The following PCSK6 variants were observed in gnomAD, a reference collection of about 807,000 sequenced individuals.
The protein encoded by PCSK6 is paired basic amino acid cleaving enzyme 4.
PCSK6 carries 85 observed loss-of-function variants against 123.3 expected under a neutral mutation model. The ratio of observed to expected loss-of-function variants is 0.69; its 90% CI spans 0.58 to 0.83. PCSK6 has a LOEUF of 0.83. Among genes scored for constraint, PCSK6 ranks in the 40% least tolerant of loss-of-function variants. The probability of loss-of-function intolerance (pLI) is 0.00; values close to 1 mark genes in which losing one functional copy is unlikely to be tolerated. For synonymous variants in PCSK6, 508 were observed against 516.0 expected (o/e 0.98, Z 0.21); for missense variants, 1,191 against 1,282.3 (o/e 0.93, Z 1.09).
intron 13 of PCSK6, among the ~76,000 whole-genome samples, chr15:101,333,394 T>G (rs1460876581): frequency 1.3e-5 from 2 of 152,222 alleles, no homozygotes; most frequent in Non-Finnish European, 2.9e-5. Context: ...CTCATGACTG[T>G]CTCCTGCGAC....
At chr15:101,460,987 G>GA (rs969017756) in intron 1 of PCSK6, among the ~76,000 whole-genome samples, 173 of 150,078 alleles carry the variant, frequency 1.2e-3, no homozygotes, top group African/African-American at 3.5e-3. Context: ...AAAGTTAAAA[G>GA]AAAAAAAAAT....
chr15:101,486,394 T>C (rs549237411), intron 1 of PCSK6, among the ~76,000 whole-genome samples: 1 of 152,380 alleles, frequency 6.6e-6, no homozygotes, highest in African/African-American at 2.4e-5. Flanking sequence ...TTCTCAGATG[T>C]GCTGCCATGC....
chr15:101,414,746 G>T (rs1326682138), intron 6 of PCSK6, among the ~76,000 whole-genome samples: 1 of 151,406 alleles, frequency 6.6e-6, no homozygotes, highest in Non-Finnish European at 1.5e-5. Context: ...GTAGACAGAT[G>T]GACGGACAGA....
chr15:101,476,575 A>C (rs796114849), intron 1 of PCSK6, among the ~76,000 whole-genome samples: 29 of 151,548 alleles, frequency 1.9e-4, no homozygotes, highest in African/African-American at 6.6e-4. Flanking sequence ...AAAAAAAAAA[A>C]ACAACAAAAA....
At chr15:101,463,796 G>C (rs2057392533) in intron 1 of PCSK6, among the ~76,000 whole-genome samples, 1 of 152,118 alleles carries the variant, frequency 6.6e-6, no homozygotes, top group South Asian at 2.1e-4. Context: ...AGAGGGTGTG[G>C]CAATAACAGT....
At chr15:101,377,636 T>C (rs28584459) in intron 11 of PCSK6, among the ~76,000 whole-genome samples, 3,431 of 152,348 alleles carry the variant, frequency 0.023, 150 homozygotes, top group African/African-American at 0.079. Flanking sequence ...TATGTCTTCA[T>C]AAATAGAGTT....
At chr15:101,427,294 T>G (rs2056291789) in intron 6 of PCSK6, among the ~76,000 whole-genome samples, 1 of 152,052 alleles carries the variant, frequency 6.6e-6, no homozygotes, top group Non-Finnish European at 1.5e-5. Flanking sequence ...CAGGGAGCAC[T>G]TCACAGAACA....
chr15:101,476,703 A>G (rs1246806985), intron 1 of PCSK6, among the ~76,000 whole-genome samples: 1 of 152,178 alleles, frequency 6.6e-6, no homozygotes. Flanking sequence ...GGATCGGATG[A>G]GGGGAGGAAG....
intron 9 of PCSK6, among the ~76,000 whole-genome samples, 183 bp downstream of exon 9, chr15:101,389,281 G>A (rs903262566): frequency 6.6e-6 from 1 of 152,226 alleles, no homozygotes; most frequent in Non-Finnish European, 1.5e-5. Context: ...CGGGCAGAGG[G>A]TTCCAGCCTG....
chr15:101,361,163 TC>T (rs34942719), intron 13 of PCSK6, among the ~76,000 whole-genome samples: 36,204 of 140,342 alleles, frequency 0.26, 4,821 homozygotes, highest in Admixed American at 0.36. Context: ...TCTTTCTCTC[TC>T]TTTTTTTTTT....
intron 6 of PCSK6, among the ~76,000 whole-genome samples, chr15:101,414,098 C>G: frequency 6.6e-6 from 1 of 152,090 alleles, no homozygotes; most frequent in East Asian, 1.9e-4. Context: ...GACAAAGAGA[C>G]GCCCCTTGTC....
chr15:101,324,969 C>T lies in PCSK6; in HGVS notation c.2258G>A (p.Cys753Tyr), dbSNP rs766650659. The T allele has an allele frequency of 6.2e-7, 1 of 1,613,294 alleles. No individual in the cohort carries two copies. The highest frequency in any genetic ancestry group is 8.5e-7 in the Non-Finnish European group (1 of 1,179,894). The change falls in exon 17 of 22, where the codon TGT becomes TAT. Residue 753 changes from cysteine to tyrosine, a missense_variant. Cys to Tyr is a radical substitution (Grantham distance 194). Around this residue, in one of 3 missense-constraint regions of PCSK6, gnomAD observed 630 missense variants for 631.4 expected, o/e 1.00. Coordinates refer to ENST00000611716, the MANE Select transcript of PCSK6 (RefSeq NM_002570.5). ...CGCAGCTCTGCTGGAGCAGGTCTCA[C>T]ACCCCTTGTGGCACCGGCGACAGCG... ...ARRCRRCHKG[C>Y]ETCSSRAATQ...
rs545873843 is a variant in PCSK6 at position 101,465,954 on chromosome 15, GAA to G, written c.298-22296_298-22295del. On this transcript the variant is annotated intron_variant, in intron 1 of 21. Coordinates refer to ENST00000611716, the MANE Select transcript of PCSK6 (RefSeq NM_002570.5). ...GTGCGGAGAACAAATGTAACAAACA[GAA>G]AAGTTACAAACACGGTAGATACTGA... Among the ~76,000 whole-genome samples the G allele has an allele frequency of 2.4e-3, 369 of 152,220 alleles. 2 individuals are homozygous for G. The highest frequency in any genetic ancestry group is 8.5e-3 in the African/African-American group (353 of 41,532).
At chr15:101,399,874 T>C (rs1003969819) in intron 6 of PCSK6, among the ~76,000 whole-genome samples, 5 of 152,214 alleles carry the variant, frequency 3.3e-5, no homozygotes, top group Non-Finnish European at 7.3e-5. Context: ...GTGTGTGCGA[T>C]GACCATGCCT....
intron 11 of PCSK6, among the ~76,000 whole-genome samples, chr15:101,371,611 C>A (rs529330069): frequency 4.6e-5 from 7 of 152,326 alleles, no homozygotes; most frequent in African/African-American, 1.7e-4. Context: ...CAAGGATTAA[C>A]CCATTTAATC....
At chr15:101,436,522 G>A (rs1348483556) in intron 2 of PCSK6, among the ~76,000 whole-genome samples, 1 of 152,232 alleles carries the variant, frequency 6.6e-6, no homozygotes, top group Non-Finnish European at 1.5e-5. Context: ...AGCCAGACCT[G>A]ACTGTCCACC....
At chr15:101,415,390 A>C (rs2055853349) in intron 6 of PCSK6, among the ~76,000 whole-genome samples, 1 of 152,228 alleles carries the variant, frequency 6.6e-6, no homozygotes, top group Non-Finnish European at 1.5e-5. Context: ...TTAAGGAATG[A>C]GGGCCCAGCA....
chr15:101,393,254 C>T lies in PCSK6; in HGVS notation c.1167G>A (p.Leu389=). The T allele has an allele frequency of 6.2e-7, 1 of 1,613,394 alleles. No homozygotes were observed. The highest frequency in any genetic ancestry group is 8.5e-7 in the Non-Finnish European group (1 of 1,179,904). Residue 389 remains leucine, a synonymous_variant, in exon 8 of 22, where the codon CTG becomes CTA. Coordinates refer to ENST00000611716, the MANE Select transcript of PCSK6 (RefSeq NM_002570.5). ...PWYLEECAST[L]ATTYSSGAFY... is the part of the protein sequence containing the mutation. Reference sequence around the variant, plus strand: ...AGGCCCCACTGCTGTAGGTGGTGGCCAGGGTGGAGGCACACTCTTCCAGGT... The same window carrying T: ...AGGCCCCACTGCTGTAGGTGGTGGCTAGGGTGGAGGCACACTCTTCCAGGT...
chr15:101,416,698 G>A (rs936601944), intron 6 of PCSK6, among the ~76,000 whole-genome samples: 11 of 152,260 alleles, frequency 7.2e-5, no homozygotes, highest in African/African-American at 2.7e-4. Context: ...GGTGCACTGT[G>A]TCCTAGCCAC....
Sources: allele counts gnomAD v4.1 joint callset (sites outside exome capture counted in the v4.1 genomes callset), GRCh38; gene constraint gnomAD v4.1.1; regional missense constraint gnomAD v4.1.1; transcripts MANE v1.5; gene names NCBI Gene and HGNC (gene_info 2026-07-23, HGNC 2026-07-21).